TMEM123: variants seen among roughly 807,000 people sequenced by gnomAD.
TMEM123 encodes porimin.
Under a neutral mutation model 19.7 loss-of-function variants are expected in TMEM123, and 16 were observed. That is an observed-to-expected ratio of 0.81 (90% CI 0.55 to 1.23). The LOEUF is 1.23. Among genes scored for constraint, TMEM123 ranks in the 50% most tolerant of loss-of-function variants. The probability of loss-of-function intolerance (pLI) is 0.00; values close to 1 mark genes in which losing one functional copy is unlikely to be tolerated. For missense variants in TMEM123, 313 were observed against 257.8 expected (o/e 1.21, Z -1.47); for synonymous variants, 118 against 99.4 (o/e 1.19, Z -1.12).
intron 2 of TMEM123, among the ~76,000 whole-genome samples, chr11:102,414,815 A>T (rs189760378): frequency 5.6e-4 from 85 of 152,332 alleles, no homozygotes; most frequent in African/African-American, 1.9e-3. Flanking sequence ...ACCAGTTAAC[A>T]ACACAGTAAC....
intron 2 of TMEM123, among the ~76,000 whole-genome samples, chr11:102,418,255 T>C (rs375551929): frequency 3.9e-5 from 6 of 152,120 alleles, no homozygotes; most frequent in African/African-American, 1.4e-4. Flanking sequence ...AGAAAACCTA[T>C]AGAATGGGAG....
At chr11:102,407,030 C>G (rs183751992) in intron 2 of TMEM123, among the ~76,000 whole-genome samples, 1 of 152,206 alleles carries the variant, frequency 6.6e-6, no homozygotes, top group East Asian at 1.9e-4. Flanking sequence ...TCCCAGGAAC[C>G]TACCAATGAG....
chr11:102,402,495 A>G (rs1951923173), intron 2 of TMEM123, among the ~76,000 whole-genome samples: 1 of 152,100 alleles, frequency 6.6e-6, no homozygotes, highest in Admixed American at 6.5e-5. Flanking sequence ...GTGCAGGGAC[A>G]TGTCTTAATC....
rs138020148 is a variant in TMEM123, at chr11:102,448,662, G to A, written c.157+150C>T. On this transcript the variant is annotated intron_variant, in intron 2 of 4. Coordinates refer to ENST00000398136, the MANE Select transcript of TMEM123 (RefSeq NM_052932.3). ...CTATCACTTACTGATGTCTACTATA[G>A]GGCACTAGGGCAGGTTATTGGGATT... 29 of 669,290 alleles carry A rather than the reference G, an allele frequency of 4.3e-5. No homozygotes were observed. The East Asian group carries it at 6.7e-4, about 16-fold the overall frequency. The allele number at this position is 669,290 out of a possible 1,614,324, so 41.5% of individuals were successfully genotyped here. A position where few individuals can be genotyped will look rare whatever the true frequency, so the allele number is the denominator to read the frequency against.
At chr11:102,440,553 C>T (rs1591566433) in intron 2 of TMEM123, among the ~76,000 whole-genome samples, 1 of 152,108 alleles carries the variant, frequency 6.6e-6, no homozygotes, top group South Asian at 2.1e-4. Context: ...AAAGGAAGCA[C>T]TAAACATGGA....
chr11:102,438,948 C>T (rs999325418), intron 2 of TMEM123, among the ~76,000 whole-genome samples: 2 of 152,338 alleles, frequency 1.3e-5, no homozygotes, highest in Admixed American at 6.5e-5. Context: ...GTATCCTGCA[C>T]GTGGCTCAGA....
intron 2 of TMEM123, among the ~76,000 whole-genome samples, chr11:102,429,904 A>G (rs1952161090): frequency 6.6e-6 from 1 of 152,188 alleles, no homozygotes; most frequent in Non-Finnish European, 1.5e-5. Flanking sequence ...CAAAAGCCAC[A>G]GGGCCTGAAC....
chr11:102,432,575 G>A (rs1857723085), intron 2 of TMEM123, among the ~76,000 whole-genome samples: 1 of 152,222 alleles, frequency 6.6e-6, no homozygotes, highest in Admixed American at 6.5e-5. Flanking sequence ...CTGATGATGT[G>A]ACAGAAAAGA....
chr11:102,426,075 C>G (rs569094208), intron 2 of TMEM123, among the ~76,000 whole-genome samples: 4 of 152,238 alleles, frequency 2.6e-5, no homozygotes, highest in Non-Finnish European at 5.9e-5. Flanking sequence ...GCACAGTGCC[C>G]AACACATAGA....
chr11:102,421,024 G>A (rs1191133383), intron 2 of TMEM123, among the ~76,000 whole-genome samples: 2 of 152,182 alleles, frequency 1.3e-5, no homozygotes, highest in African/African-American at 4.8e-5. Context: ...TCCGGCCTGG[G>A]TGACAGAGCA....
rs1179792590 is a variant in TMEM123, at chr11:102,397,479, A to G, written c.*1388T>C. The stretch of plus-strand genomic sequence containing the variant: ...CCCTGAGTTTTGAGTGCTGGAATAT[A>G]AACTGTAAAATGGAAAACACTCCAA... On this transcript the variant is annotated 3_prime_UTR_variant, in exon 5 of 5. Coordinates refer to ENST00000398136, the MANE Select transcript of TMEM123 (RefSeq NM_052932.3). 1.3e-5 allele frequency: 2 copies of G among 152,196 alleles called. No individual in the cohort carries two copies. Among genetic ancestry groups the G allele is most frequent in the East Asian group, 3.8e-4 (2 of 5,204 alleles). 9.4% of individuals were successfully genotyped at this position (152,196 alleles called of 1,614,324 possible).
chr11:102,399,624 G>A (rs979277491), intron 4 of TMEM123, among the ~76,000 whole-genome samples: 3 of 152,158 alleles, frequency 2.0e-5, no homozygotes, highest in African/African-American at 4.8e-5. Context: ...AAGCTAAAGT[G>A]AGTTTGATAT....
intron 2 of TMEM123, among the ~76,000 whole-genome samples, chr11:102,446,857 G>T (rs1201338308): frequency 1.3e-5 from 2 of 152,158 alleles, no homozygotes; most frequent in East Asian, 3.8e-4. Context: ...ATTTGCCAAA[G>T]ATGCTATTTT....
At chr11:102,440,604 T>C (rs989442993) in intron 2 of TMEM123, among the ~76,000 whole-genome samples, 1 of 152,114 alleles carries the variant, frequency 6.6e-6, no homozygotes, top group African/African-American at 2.4e-5. Context: ...CATGTCAAAT[T>C]GTAAAGACCA....
intron 4 of TMEM123, among the ~76,000 whole-genome samples, chr11:102,400,718 A>T (rs1320789206): frequency 6.6e-6 from 1 of 152,242 alleles, no homozygotes; most frequent in East Asian, 1.9e-4. Context: ...ATTAGAGGTC[A>T]GAGAACTAGC....
At chr11:102,400,806 C>T (rs996481484) in intron 4 of TMEM123, among the ~76,000 whole-genome samples, 2 of 152,216 alleles carry the variant, frequency 1.3e-5, no homozygotes, top group Non-Finnish European at 2.9e-5. Flanking sequence ...GACTTCCAAG[C>T]CTCCGGAAGT....
intron 2 of TMEM123, among the ~76,000 whole-genome samples, chr11:102,424,858 G>C (rs1591560199): frequency 6.6e-6 from 1 of 152,184 alleles, no homozygotes. Flanking sequence ...CAGCCAGAAT[G>C]AATGTTCCCT....
chr11:102,440,159 G>A (rs990057414), intron 2 of TMEM123, among the ~76,000 whole-genome samples: 7 of 152,150 alleles, frequency 4.6e-5, no homozygotes, highest in African/African-American at 1.4e-4. Context: ...CCCCAACCTA[G>A]CAAGGCAGGC....
chr11:102,427,370 T>TC (rs1337485550), intron 2 of TMEM123, among the ~76,000 whole-genome samples: 1 of 151,320 alleles, frequency 6.6e-6, no homozygotes, highest in Non-Finnish European at 1.5e-5. Context: ...GCCCAAGGAC[T>TC]ATGAGGAACA....
Sources: gnomAD v4.1 joint callset for allele counts (sites outside exome capture counted in the v4.1 genomes callset) on GRCh38, gnomAD v4.1.1 for gene constraint, MANE v1.5 for transcripts, NCBI Gene and HGNC (gene_info 2026-07-23, HGNC 2026-07-21) for gene names.